Variants in RGPD2 observed in about 807,000 individuals in gnomAD.
RGPD2 encodes the protein RANBP2-like and GRIP domain-containing protein 2.
Under a neutral mutation model 36.0 loss-of-function variants are expected in RGPD2, and 2 were observed. The observed-to-expected ratio is 0.06, with a 90% confidence interval of 0.02 to 0.17. The LOEUF (loss-of-function observed/expected upper bound fraction) is 0.17. Ranked by LOEUF, RGPD2 falls within the 10% of genes least tolerant of loss-of-function variation. RGPD2 has a pLI of 1.00. For synonymous variants in RGPD2, 19 were observed against 163.8 expected (o/e 0.12, Z 6.75); for missense variants, 40 against 464.3 (o/e 0.09, Z 8.40).
At chr2:87,861,187 A>C in the RGPD2 span, among the ~76,000 whole-genome samples, 15 of 150,484 alleles carry the variant, frequency 1.0e-4, no homozygotes, top group South Asian at 8.4e-4. Context: ...TCTGGAGCCA[A>C]AGATTTTACC....
chr2:87,989,197 T>C, the RGPD2 span: 5 of 413,992 alleles, frequency 1.2e-5, no homozygotes, highest in African/African-American at 1.1e-4. Flanking sequence ...AGAAAGTAAA[T>C]AAAATCTGTG....
the RGPD2 span, among the ~76,000 whole-genome samples, chr2:87,977,509 T>C: frequency 6.6e-6 from 1 of 151,500 alleles, no homozygotes; most frequent in East Asian, 1.9e-4. Flanking sequence ...TTGTGCAAAA[T>C]GGTCACTATA....
chr2:87,988,541 A>ATATATATATAT, the RGPD2 span, among the ~76,000 whole-genome samples: 154 of 54,148 alleles, frequency 2.8e-3, 2 homozygotes, highest in South Asian at 6.5e-3. Context: ...ATATATATAT[A>ATATATATATAT]TTTTTTTTTT....
At chr2:87,972,205 G>A in the RGPD2 span, among the ~76,000 whole-genome samples, 6 of 151,104 alleles carry the variant, frequency 4.0e-5, no homozygotes, top group African/African-American at 1.5e-4. Context: ...GCATTAACCA[G>A]GAGAAAGGAT....
At chr2:87,978,264 T>A in the RGPD2 span, among the ~76,000 whole-genome samples, 1 of 151,772 alleles carries the variant, frequency 6.6e-6, no homozygotes, top group Non-Finnish European at 1.5e-5. Context: ...TTCACCAGCT[T>A]ACATATTTTT....
chr2:87,989,465 C>T, the RGPD2 span, among the ~76,000 whole-genome samples: 1 of 152,260 alleles, frequency 6.6e-6, no homozygotes, highest in African/African-American at 2.4e-5. Flanking sequence ...ATATACAATT[C>T]AACTGACTCA....
the RGPD2 span, among the ~76,000 whole-genome samples, chr2:87,883,529 G>A: frequency 1.3e-5 from 2 of 151,758 alleles, no homozygotes; most frequent in Non-Finnish European, 2.9e-5. Flanking sequence ...GTAGCTGAAG[G>A]AATGAAAAAA....
the RGPD2 span, among the ~76,000 whole-genome samples, chr2:87,880,185 T>A: frequency 6.6e-5 from 10 of 151,236 alleles, no homozygotes; most frequent in East Asian, 2.0e-3. Context: ...CTAAGTAGTT[T>A]GAGTTAATTG....
the RGPD2 span, among the ~76,000 whole-genome samples, chr2:87,836,961 C>A: frequency 6.6e-6 from 1 of 151,832 alleles, no homozygotes; most frequent in African/African-American, 2.4e-5. Context: ...GACTTTAAAC[C>A]AACAATCATC....
the RGPD2 span, among the ~76,000 whole-genome samples, chr2:87,964,940 G>A: frequency 6.6e-6 from 1 of 151,860 alleles, no homozygotes; most frequent in Non-Finnish European, 1.5e-5. Context: ...AATAGCATAT[G>A]TATAGTTCTC....
the RGPD2 span, among the ~76,000 whole-genome samples, chr2:87,830,852 A>G: frequency 5.9e-5 from 9 of 152,178 alleles, no homozygotes; most frequent in African/African-American, 1.9e-4. Flanking sequence ...CCATGATTCA[A>G]TTACTTCCTG....
chr2:87,921,121 G>A, the RGPD2 span, among the ~76,000 whole-genome samples: 1 of 150,546 alleles, frequency 6.6e-6, no homozygotes, highest in Non-Finnish European at 1.5e-5. Context: ...CTAATTAGCT[G>A]TCAACTGATT....
the RGPD2 span, among the ~76,000 whole-genome samples, chr2:87,984,929 CAAAAAAAAAAA>C: frequency 2.9e-5 from 2 of 68,676 alleles, no homozygotes; most frequent in East Asian, 1.0e-3. Flanking sequence ...CATTCTGTCT[CAAAAAAAAAAA>C]AAAAAAAAAA....
chr2:87,825,536 G>GT (rs1686738653), intron 1 of RGPD2, 122 bp downstream of exon 1: 2 of 644,486 alleles, frequency 3.1e-6, no homozygotes, highest in Admixed American at 1.1e-4. Context: ...CGAGGCCGAG[G>GT]CCGAGGCCGC....
At chr2:87,985,913 T>A in the RGPD2 span, 4,488 of 1,584,488 alleles carry the variant, frequency 2.8e-3, 11 homozygotes, top group Non-Finnish European at 3.5e-3. Context: ...AACATGTTTG[T>A]ACTATTAAAA....
chr2:87,934,426 T>C, the RGPD2 span, among the ~76,000 whole-genome samples: 1 of 141,446 alleles, frequency 7.1e-6, no homozygotes, highest in Admixed American at 7.0e-5. Flanking sequence ...CACACTGCTA[T>C]TGACACTCCA....
the RGPD2 span, among the ~76,000 whole-genome samples, chr2:87,879,507 T>C: frequency 8.1e-6 from 1 of 123,450 alleles, no homozygotes; most frequent in Non-Finnish European, 1.7e-5. Context: ...CCTCCTACTC[T>C]CTATCTCCAT....
At chr2:87,876,545 C>A in the RGPD2 span, among the ~76,000 whole-genome samples, 4 of 152,280 alleles carry the variant, frequency 2.6e-5, no homozygotes, top group Non-Finnish European at 4.4e-5. Context: ...GTTTTGAGTT[C>A]ATTTCTTAAT....
the RGPD2 span, among the ~76,000 whole-genome samples, chr2:87,988,542 T>TATATATA: frequency 2.8e-3 from 106 of 37,506 alleles, 2 homozygotes; most frequent in South Asian, 0.016. Context: ...TATATATATA[T>TATATATA]TTTTTTTTTT....
Sources: allele counts gnomAD v4.1 joint callset (sites outside exome capture counted in the v4.1 genomes callset), GRCh38; gene constraint gnomAD v4.1.1; transcripts MANE v1.5; gene names NCBI Gene and HGNC (gene_info 2026-07-23, HGNC 2026-07-21).